The following ZC3H4 variants were observed in gnomAD, a reference collection of about 807,000 sequenced individuals.
ZC3H4 encodes zinc finger CCCH domain-containing protein 4.
Under a neutral mutation model 108.3 loss-of-function variants are expected in ZC3H4, and 13 were observed. The observed-to-expected ratio is 0.12, with a 90% confidence interval of 0.08 to 0.19. The LOEUF is 0.19. Among genes scored for constraint, ZC3H4 ranks in the 10% least tolerant of loss-of-function variants. The pLI, the probability that ZC3H4 is intolerant of heterozygous loss-of-function variation, is 1.00. For synonymous variants in ZC3H4, 917 were observed against 749.6 expected, an observed-to-expected ratio of 1.22 and a Z score of -3.65; for missense variants, 1,734 against 1,838.8, an observed-to-expected ratio of 0.94 and a Z score of 1.04.
chr19:47,112,396 G>A (rs1395118838), intron 2 of ZC3H4, 28 bp downstream of exon 2: 1 of 1,232,356 alleles, frequency 8.1e-7, no homozygotes, highest in Non-Finnish European at 1.0e-6. Context: ...CCCCGGGGAC[G>A]CAGCCCCGGC....
chr19:47,104,230 A>C (rs2057940840), intron 2 of ZC3H4, among the ~76,000 whole-genome samples: 1 of 152,116 alleles, frequency 6.6e-6, no homozygotes, highest in Non-Finnish European at 1.5e-5. Context: ...GAGGCAGGAG[A>C]ATCGCTTGAA....
chr19:47,066,368 G>T lies in ZC3H4; in HGVS notation c.3900C>A (p.Pro1300=), dbSNP rs763643619. ...CTCTGGCTGGACACTACTGGCAAAAGGGGGAGGCCGTGGGGTCGAAGCCTT... is the reference window on the plus strand; with the variant it reads ...CTCTGGCTGGACACTACTGGCAAAATGGGGAGGCCGTGGGGTCGAAGCCTT... ...VFKGFDPTAS[P]FCQ is the part of the protein sequence containing the mutation. Residue 1300 remains proline, a synonymous_variant, in exon 15 of 15, where the codon CCC becomes CCA. Transcript: ENST00000253048. The T allele has an allele frequency of 6.4e-7, 1 of 1,553,962 alleles. No homozygotes were observed. Among genetic ancestry groups the T allele is most frequent in the Non-Finnish European group, 8.7e-7 (1 of 1,152,482 alleles).
intron 2 of ZC3H4, among the ~76,000 whole-genome samples, chr19:47,097,306 A>G (rs1299974683): frequency 6.6e-6 from 1 of 152,230 alleles, no homozygotes; most frequent in African/African-American, 2.4e-5. Context: ...AGAAATACAT[A>G]GGATTTTTTT....
intron 13 of ZC3H4, among the ~76,000 whole-genome samples, chr19:47,069,786 G>C (rs1393597571): frequency 6.6e-6 from 1 of 152,188 alleles, no homozygotes; most frequent in Non-Finnish European, 1.5e-5. Flanking sequence ...GCATCTCATA[G>C]TGAACTCGAC....
chr19:47,097,337 G>A lies in ZC3H4; in HGVS notation c.162-2729C>T, dbSNP rs563211172. Among the ~76,000 whole-genome samples, 15 of 152,142 alleles carry A rather than the reference G, an allele frequency of 9.9e-5. 1 individual carries two copies. Among genetic ancestry groups the A allele is most frequent in the Admixed American group, 3.3e-4 (5 of 15,260 alleles). ...TTTTTGTTGTTGTTAAACTGCTGAC[G>A]GTTGATAAAGGGGCACTGAGACAGC... is the stretch of plus-strand genomic sequence containing the variant. On this transcript the variant is annotated intron_variant, in intron 2 of 14. Transcript: ENST00000253048.
chr19:47,112,466 G>C lies in ZC3H4; in HGVS notation c.119C>G (p.Thr40Ser). 8.2e-7 allele frequency: 1 copy of C among 1,219,326 alleles called. No individual in the cohort carries two copies. 75.5% of individuals were successfully genotyped at this position (1,219,326 alleles called of 1,614,324 possible). Residue 40 changes from threonine (T) to serine (S), a missense_variant, in exon 2 of 15, where the codon ACC (threonine) becomes AGC (serine). Thr to Ser is a moderately conservative substitution (Grantham distance 58). Coordinates refer to ENST00000253048, the MANE Select transcript of ZC3H4 (RefSeq NM_015168.2). ...PPCSPDARPA[T>S]PHLLHHRLPL... ...GAGGCGGTGGTGGAGGAGGTGCGGG[G>C]TGGCCGGGCGGGCGTCGGGGGAACA... is the stretch of plus-strand genomic sequence containing the variant.
intron 14 of ZC3H4, 133 bp from the exon 15 acceptor site, chr19:47,068,002 G>T: frequency 1.1e-6 from 1 of 881,694 alleles, no homozygotes; most frequent in Non-Finnish European, 1.7e-6. Flanking sequence ...CCTCTCTAAG[G>T]CTCCCTCCCC....
At position 47,081,616 on chromosome 19, in the gene ZC3H4, A is replaced by C; in HGVS notation, c.1337T>G (p.Phe446Cys). The C allele has an allele frequency of 6.2e-7, 1 of 1,614,102 alleles. No homozygotes were observed. The highest frequency in any genetic ancestry group is 8.5e-7 in the Non-Finnish European group (1 of 1,179,922). Reference sequence around the variant, plus strand: ...AGTGGTGTGGTACAGCTTACACGGGAAATCACGTTCATGGCAAATTAAGGT... The same window carrying C: ...AGTGGTGTGGTACAGCTTACACGGGCAATCACGTTCATGGCAAATTAAGGT... ...AENCPYMHGD[F>C]PCKLYHTTGN... is the part of the protein sequence containing the mutation. Residue 446 changes from phenylalanine (F) to cysteine (C), a missense_variant, in exon 11 of 15, where the codon TTC (phenylalanine) becomes TGC (cysteine). Physicochemically the swap from Phe to Cys is radical, Grantham distance 205. Transcript: ENST00000253048.
intron 2 of ZC3H4, among the ~76,000 whole-genome samples, chr19:47,109,713 C>T (rs2058012895): frequency 6.6e-6 from 1 of 152,166 alleles, no homozygotes; most frequent in Non-Finnish European, 1.5e-5. Flanking sequence ...TTGCAGTTTC[C>T]TCATCTACAT....
intron 5 of ZC3H4, 96 bp from the exon 6 acceptor site, chr19:47,086,634 C>T: frequency 2.1e-6 from 3 of 1,452,000 alleles, no homozygotes; most frequent in African/African-American, 1.4e-5. Context: ...TCAATCACTT[C>T]AGCTGCCTCC....
Position 47,112,531 on chromosome 19 carries a change from C to A in ZC3H4, c.54G>T (p.Pro18=). 1 of 1,047,910 alleles carries A rather than the reference C, an allele frequency of 9.5e-7. No homozygotes were observed. The highest frequency in any genetic ancestry group is 1.2e-6 in the Non-Finnish European group (1 of 813,574). 64.9% of individuals were successfully genotyped at this position (1,047,910 alleles called of 1,614,324 possible). Residue 18 remains proline (P), a synonymous_variant, in exon 2 of 15, where the codon CCG becomes CCT. Transcript: ENST00000253048. Reference sequence around the variant, plus strand: ...GCGTTGATGGCGGCGGCGGCGATGGCGGCGGCGGCGACTCTGATGGCGGCG... The same window carrying A: ...GCGTTGATGGCGGCGGCGGCGATGGAGGCGGCGGCGACTCTGATGGCGGCG... ...PPPPPSESPP[P]PSPPPPSTPS...
intron 2 of ZC3H4, among the ~76,000 whole-genome samples, chr19:47,108,236 C>G (rs982089196): frequency 6.6e-6 from 1 of 152,140 alleles, no homozygotes. Context: ...ACTCAACTCT[C>G]GGTGTGAATC....
chr19:47,082,876 C>T (rs2057548439), intron 9 of ZC3H4, among the ~76,000 whole-genome samples: 1 of 152,130 alleles, frequency 6.6e-6, no homozygotes, highest in Non-Finnish European at 1.5e-5. Context: ...GTTAAGTTTT[C>T]CTTTATTTCC....
intron 2 of ZC3H4, among the ~76,000 whole-genome samples, chr19:47,107,122 A>G (rs4804026): frequency 0.56 from 84,512 of 152,034 alleles, 25,952 homozygotes; most frequent in Non-Finnish European, 0.71. Context: ...AGCAAGAAAT[A>G]TCTTAAGATG....
At chr19:47,102,746 T>C (rs927960826) in intron 2 of ZC3H4, among the ~76,000 whole-genome samples, 2 of 144,600 alleles carry the variant, frequency 1.4e-5, no homozygotes, top group African/African-American at 5.2e-5. Flanking sequence ...TAAGGGCTCA[T>C]GGAAAGACCG....
At position 47,065,746 on chromosome 19, in the gene ZC3H4, G is replaced by C. The variant is rs3810291; in HGVS notation, c.*610C>G. ...AATCCAGGGACAGGAGCAGGCATGC[G>C]CCAGGGAGCCCCCATAGTGCCGCTG... is the stretch of plus-strand genomic sequence containing the variant. On this transcript the variant is annotated 3_prime_UTR_variant, in exon 15 of 15. Coordinates refer to ENST00000253048, the MANE Select transcript of ZC3H4 (RefSeq NM_015168.2). 6.6e-6 allele frequency: 1 copy of C among 152,580 alleles called. No homozygotes were observed. The highest frequency in any genetic ancestry group is 1.5e-5 in the Non-Finnish European group (1 of 68,226). 9.5% of individuals were successfully genotyped at this position (152,580 alleles called of 1,614,324 possible). A position where few individuals can be genotyped will look rare whatever the true frequency, so the allele number is the denominator to read the frequency against.
At position 47,094,484 on chromosome 19, in the gene ZC3H4, C is replaced by T; in HGVS notation, c.286G>A (p.Glu96Lys). ...KGEKHHSDSD[E>K]EKSHRRLKRK... ...TTCAGTCTCCTGTGGGACTTCTCCT[C>T]ATCCGAATCACTGTGATGCTTCTCC... The change falls in exon 3 of 15, where the codon GAG becomes AAG. Residue 96 changes from glutamate to lysine, a missense_variant. Physicochemically the swap from Glu to Lys is moderately conservative, Grantham distance 56. This residue lies in a region of ZC3H4 where 403 missense variants were observed against 457.0 expected (regional missense o/e 0.88). Coordinates refer to ENST00000253048, the MANE Select transcript of ZC3H4 (RefSeq NM_015168.2). 1 of 1,614,244 alleles carries T rather than the reference C, an allele frequency of 6.2e-7. No individual in the cohort carries two copies. The highest frequency in any genetic ancestry group is 8.5e-7 in the Non-Finnish European group (1 of 1,180,046).
intron 2 of ZC3H4, among the ~76,000 whole-genome samples, chr19:47,107,048 G>T (rs2057976652): frequency 6.6e-6 from 1 of 152,100 alleles, no homozygotes; most frequent in African/African-American, 2.4e-5. Context: ...AACACAGGAG[G>T]TACAGTCAGC....
In ZC3H4 at chr19:47,081,664, C is replaced by T. The variant is rs367628896; in HGVS notation, c.1331-42G>A. On this transcript the variant is annotated intron_variant, in intron 10 of 14. Coordinates refer to ENST00000253048, the MANE Select transcript of ZC3H4 (RefSeq NM_015168.2). ...GGTAAATGCTTCATCTCACAGAACG[C>T]CCCCCTCCCCCACCACAGACCCAAG... 2,246 of 1,526,402 alleles carry T rather than the reference C, an allele frequency of 1.5e-3. 8 individuals carry two copies. Among genetic ancestry groups the T allele is most frequent in the Non-Finnish European group, 1.9e-3 (2,091 of 1,101,004 alleles). 94.6% of individuals were successfully genotyped at this position (1,526,402 alleles called of 1,614,324 possible).
Sources: allele counts gnomAD v4.1 joint callset (sites outside exome capture counted in the v4.1 genomes callset), GRCh38; gene constraint gnomAD v4.1.1; regional missense constraint gnomAD v4.1.1; transcripts MANE v1.5; gene names NCBI Gene and HGNC (gene_info 2026-07-23, HGNC 2026-07-21).